The following COL4A4 variants were observed in gnomAD, a reference collection of about 807,000 sequenced individuals.
COL4A4 encodes the protein collagen alpha-4(IV) chain.
Under a neutral mutation model 192.9 loss-of-function variants are expected in COL4A4, and 105 were observed. The ratio of observed to expected loss-of-function variants is 0.54; its 90% CI spans 0.46 to 0.64. The LOEUF is 0.64. Among genes scored for constraint, COL4A4 ranks in the 30% least tolerant of loss-of-function variants. COL4A4 has a pLI of 0.00. For missense variants in COL4A4, 1,967 were observed against 2,169.3 expected (o/e 0.91, Z 1.85); for synonymous variants, 762 against 769.9 (o/e 0.99, Z 0.17).
intron 43 of COL4A4, chr2:227,022,406 T>C: frequency 1.4e-6 from 1 of 738,102 alleles, no homozygotes; most frequent in Non-Finnish European, 2.5e-6. Context: ...AATGTCGGGC[T>C]GACCGAATGA....
chr2:227,108,103 G>T (rs2060967544), intron 12 of COL4A4, among the ~76,000 whole-genome samples: 1 of 152,084 alleles, frequency 6.6e-6, no homozygotes, highest in South Asian at 2.1e-4. Flanking sequence ...TTACATGTCG[G>T]CCAAAAGGAC....
chr2:227,030,377 C>T (rs2149954649), intron 41 of COL4A4, 66 bp downstream of exon 41: 2 of 1,535,596 alleles, frequency 1.3e-6, no homozygotes, highest in Non-Finnish European at 1.8e-6. Context: ...CGGCACAGTA[C>T]CCCAGACCCT....
intron 22 of COL4A4, among the ~76,000 whole-genome samples, chr2:227,087,599 AC>A (rs2059672961): frequency 6.6e-6 from 1 of 152,070 alleles, no homozygotes; most frequent in Non-Finnish European, 1.5e-5. Context: ...ACCACCTTGC[AC>A]CACACCCAGC....
chr2:227,025,912 G>T (rs1229289877), intron 42 of COL4A4, 102 bp from the exon 43 acceptor site: 25 of 1,024,074 alleles, frequency 2.4e-5, no homozygotes, highest in South Asian at 2.1e-4. Context: ...AATAGATTAA[G>T]AACATACATA....
intron 21 of COL4A4, among the ~76,000 whole-genome samples, chr2:227,089,090 C>T (rs1056278059): frequency 6.6e-6 from 1 of 151,918 alleles, no homozygotes; most frequent in Non-Finnish European, 1.5e-5. Context: ...TAGGGAAAAG[C>T]TGATATCCAA....
At chr2:227,020,757 A>G (rs181647716) in intron 44 of COL4A4, among the ~76,000 whole-genome samples, 109 of 152,296 alleles carry the variant, frequency 7.2e-4, no homozygotes, top group African/African-American at 2.5e-3. Flanking sequence ...GCTACTATCA[A>G]TGGATCTAAA....
chr2:227,036,143 C>G (rs1488767742), intron 37 of COL4A4, among the ~76,000 whole-genome samples: 1 of 152,166 alleles, frequency 6.6e-6, no homozygotes, highest in Non-Finnish European at 1.5e-5. Context: ...TCTGGTCATC[C>G]TCCTGCTAAA....
intron 4 of COL4A4, among the ~76,000 whole-genome samples, chr2:227,135,923 C>T (rs978916409): frequency 6.6e-6 from 1 of 152,106 alleles, no homozygotes; most frequent in Non-Finnish European, 1.5e-5. Flanking sequence ...GGATTACAGG[C>T]GTGAACCACC....
intron 35 of COL4A4, among the ~76,000 whole-genome samples, chr2:227,046,578 G>T (rs776091956): frequency 2.0e-5 from 3 of 152,064 alleles, no homozygotes; most frequent in Non-Finnish European, 4.4e-5. Context: ...CAAGCGATAT[G>T]CATATTTTAA....
At chr2:227,030,785 T>C (rs1968119291) in intron 40 of COL4A4, among the ~76,000 whole-genome samples, 187 bp from the exon 41 acceptor site, 1 of 152,218 alleles carries the variant, frequency 6.6e-6, no homozygotes, top group Non-Finnish European at 1.5e-5. Flanking sequence ...AGTTGAGAAA[T>C]GGTGTAGATA....
Position 227,007,232 on chromosome 2 carries a change from A to G in COL4A4, c.*93T>C. 1.9e-6 allele frequency: 3 copies of G among 1,570,056 alleles called. No homozygotes were observed. The highest frequency in any genetic ancestry group is 2.6e-6 in the Non-Finnish European group (3 of 1,140,820). Reference sequence around the variant, plus strand: ...GAAGGAACCACTGAAAGGGAGTCCAAAATGAGCACCATGACATCTCTTAGC... The same window carrying G: ...GAAGGAACCACTGAAAGGGAGTCCAGAATGAGCACCATGACATCTCTTAGC... On this transcript the variant is annotated 3_prime_UTR_variant, in exon 48 of 48. Coordinates refer to ENST00000396625, the MANE Select transcript of COL4A4 (RefSeq NM_000092.5).
chr2:226,979,881 C>T, the COL4A4 span, among the ~76,000 whole-genome samples: 2 of 152,198 alleles, frequency 1.3e-5, no homozygotes, highest in African/African-American at 4.8e-5. Flanking sequence ...ATACAGGTGA[C>T]TCAAACATAG....
intron 2 of COL4A4, among the ~76,000 whole-genome samples, chr2:227,145,268 C>T (rs558825760): frequency 9.9e-5 from 15 of 152,072 alleles, no homozygotes; most frequent in African/African-American, 2.9e-4. Context: ...GCCAGCATGA[C>T]GAAACCCCAT....
chr2:227,052,834 C>G (rs1034713169), intron 31 of COL4A4, among the ~76,000 whole-genome samples: 1 of 152,184 alleles, frequency 6.6e-6, no homozygotes, highest in Non-Finnish European at 1.5e-5. Context: ...AGAACAGACA[C>G]TTATCTCAAT....
chr2:227,120,230 T>C (rs1402360445), intron 5 of COL4A4, among the ~76,000 whole-genome samples: 1 of 152,184 alleles, frequency 6.6e-6, no homozygotes, highest in East Asian at 1.9e-4. Context: ...CCCTTAACTG[T>C]GAACACAGGC....
chr2:227,024,308 C>T (rs1373247901), intron 43 of COL4A4, among the ~76,000 whole-genome samples: 1 of 152,186 alleles, frequency 6.6e-6, no homozygotes, highest in African/African-American at 2.4e-5. Context: ...TTTGGGAGTT[C>T]AAGACCAGCC....
At chr2:227,079,157 A>G (rs1272881140) in intron 24 of COL4A4, among the ~76,000 whole-genome samples, 2 of 152,002 alleles carry the variant, frequency 1.3e-5, no homozygotes, top group Admixed American at 1.3e-4. Context: ...AATGCAAGGA[A>G]TATCTGACAC....
intron 25 of COL4A4, among the ~76,000 whole-genome samples, chr2:227,066,405 A>T (rs1423326409): frequency 2.0e-5 from 3 of 151,662 alleles, no homozygotes; most frequent in Admixed American, 6.6e-5. Context: ...ACTCCAAGAC[A>T]CATAATTGTC....
downstream of COL4A4, among the ~76,000 whole-genome samples, chr2:227,000,024 G>C (rs778702205): frequency 2.6e-5 from 4 of 152,202 alleles, no homozygotes; most frequent in Non-Finnish European, 5.9e-5. Context: ...ATATTTATTT[G>C]AGATTCTTTC....
Sources: gnomAD v4.1 joint callset for allele counts (sites outside exome capture counted in the v4.1 genomes callset) on GRCh38, gnomAD v4.1.1 for gene constraint, MANE v1.5 for transcripts, NCBI Gene and HGNC (gene_info 2026-07-23, HGNC 2026-07-21) for gene names.